SCAF4: variants seen among roughly 807,000 people sequenced by gnomAD.
SCAF4 encodes SR-related CTD associated factor 4, also known as SR-related and CTD-associated factor 4.
In SCAF4, 25 loss-of-function variants were observed where a neutral mutation model predicts 129.8. The ratio of observed to expected loss-of-function variants is 0.19; its 90% CI spans 0.14 to 0.27. SCAF4 has a LOEUF of 0.27. Among genes scored for constraint, SCAF4 ranks in the 10% least tolerant of loss-of-function variants. SCAF4 has a pLI of 1.00. For missense variants in SCAF4, 1,246 were observed against 1,457.1 expected, an observed-to-expected ratio of 0.86 and a Z score of 2.36; for synonymous variants, 551 against 497.7, an observed-to-expected ratio of 1.11 and a Z score of -1.43.
At position 31,694,824 on chromosome 21, in the gene SCAF4, G is replaced by A. The variant is rs868332017; in HGVS notation, c.1225C>T (p.Pro409Ser). The part of the protein sequence containing the change: ...QAQNEPLTQK[P>S]HQQEMEVEQP... ...GAATAAAGTTTTACCTGCTGATGCG[G>A]CTTCTGTGTAAGTGGTTCATTTTGT... Residue 409 changes from proline (P) to serine (S), a missense_variant, in exon 10 of 20, where the codon CCG (proline) becomes TCG (serine). Coordinates refer to ENST00000286835, the MANE Select transcript of SCAF4 (RefSeq NM_020706.2). 1 of 1,614,088 alleles carries A rather than the reference G, an allele frequency of 6.2e-7. No homozygotes were observed. The highest frequency in any genetic ancestry group is 1.7e-5 in the Admixed American group (1 of 60,020).
rs2050397349 is a variant in SCAF4, at chr21:31,696,688, C to CTCT, written c.837_839dup (p.Glu280dup). 2 of 1,613,810 alleles carry CTCT rather than the reference C, an allele frequency of 1.2e-6. No individual in the cohort carries two copies. The highest frequency in any genetic ancestry group is 2.2e-5 in the South Asian group (2 of 91,084). ...CTGTCGTGGTGACGGCAGTGGTATCCTCTTTCTTTGATTCTTCCACAGCTT... is the reference window on the plus strand; with the variant it reads ...CTGTCGTGGTGACGGCAGTGGTATCCTCTTCTTTCTTTGATTCTTCCACAGCTT... On this transcript the variant is annotated inframe_insertion, in exon 8 of 20. Coordinates refer to ENST00000286835, the MANE Select transcript of SCAF4 (RefSeq NM_020706.2).
At chr21:31,713,502 AAGAG>A (rs780806302) in intron 1 of SCAF4, among the ~76,000 whole-genome samples, 29 of 152,298 alleles carry the variant, frequency 1.9e-4, no homozygotes, top group Non-Finnish European at 3.5e-4. Context: ...TTTTGAGAAA[AAGAG>A]AGAATCCTGG....
chr21:31,715,633 G>T (rs1300609724), intron 1 of SCAF4, among the ~76,000 whole-genome samples: 3 of 152,138 alleles, frequency 2.0e-5, no homozygotes, highest in Non-Finnish European at 2.9e-5. Flanking sequence ...GTCTAGAAGT[G>T]ATTTTCTGCT....
chr21:31,690,743 T>C (rs2050240754), intron 15 of SCAF4, 54 bp downstream of exon 15: 1 of 1,512,628 alleles, frequency 6.6e-7, no homozygotes, highest in East Asian at 2.3e-5. Flanking sequence ...CGATTTGTCA[T>C]ATGTACTACC....
At chr21:31,706,499 AG>A (rs1274390577) in intron 1 of SCAF4, 142 bp from the exon 2 acceptor site, 3 of 618,470 alleles carry the variant, frequency 4.9e-6, no homozygotes, top group Admixed American at 3.0e-5. Flanking sequence ...CTAGGGCAGC[AG>A]GAAGAGCTTT....
At chr21:31,690,734 G>A (rs551593681) in intron 15 of SCAF4, 63 bp downstream of exon 15, 8 of 1,460,344 alleles carry the variant, frequency 5.5e-6, no homozygotes, top group Middle Eastern at 1.8e-4. Flanking sequence ...CAGGACATTC[G>A]ATTTGTCATA....
In SCAF4 at chr21:31,696,481, ATTG is replaced by A. The variant is rs2050388435; in HGVS notation, c.959+85_959+87del. On this transcript the variant is annotated intron_variant, in intron 8 of 19. Coordinates refer to ENST00000286835, the MANE Select transcript of SCAF4 (RefSeq NM_020706.2). ...ATTTTACAAAACAACTTCATAGAAC[ATTG>A]TTGTCATTGCTAAATGTTACTTAGG... The A allele has an allele frequency of 2.4e-5, 30 of 1,234,244 alleles. No homozygotes were observed. The South Asian group carries it at 4.5e-4, about 18-fold the overall frequency. The allele number at this position is 1,234,244 out of a possible 1,614,324, so 76.5% of individuals were successfully genotyped here.
At chr21:31,673,282 A>G (rs1382643502) in intron 19 of SCAF4, among the ~76,000 whole-genome samples, 2 of 152,190 alleles carry the variant, frequency 1.3e-5, no homozygotes, top group African/African-American at 4.8e-5. Context: ...TTTTGCAAAT[A>G]TAAATAAGAC....
intron 1 of SCAF4, among the ~76,000 whole-genome samples, chr21:31,729,587 TTCATGAATGGGGAGAAA>T (rs1037554492): frequency 1.3e-4 from 20 of 152,262 alleles, no homozygotes; most frequent in Non-Finnish European, 1.9e-4. Flanking sequence ...TCAAGAACAT[TTCATGAATGGGGAGAAA>T]TAGTTGAGAA....
intron 1 of SCAF4, among the ~76,000 whole-genome samples, chr21:31,718,294 T>C (rs569578402): frequency 6.6e-5 from 10 of 152,174 alleles, no homozygotes; most frequent in South Asian, 6.2e-4. Flanking sequence ...CCTTTAATTA[T>C]TGATATACAG....
intron 5 of SCAF4, 45 bp from the exon 6 acceptor site, chr21:31,701,963 A>G: frequency 2.5e-6 from 4 of 1,596,146 alleles, no homozygotes; most frequent in Non-Finnish European, 3.4e-6. Flanking sequence ...AAGTTAACCT[A>G]CAAGTTTTCC....
intron 14 of SCAF4, 109 bp downstream of exon 14, chr21:31,691,708 C>T: frequency 2.5e-6 from 1 of 407,038 alleles, no homozygotes; most frequent in East Asian, 3.7e-5. Context: ...CATGAAATGC[C>T]TCAGTGTTGA....
intron 15 of SCAF4, 129 bp downstream of exon 15, chr21:31,690,668 T>C: frequency 1.4e-6 from 1 of 716,938 alleles, no homozygotes. Context: ...ATAATGGAGA[T>C]ACTGACACAG....
chr21:31,717,953 A>AT (rs1209080362), intron 1 of SCAF4, among the ~76,000 whole-genome samples: 3 of 145,838 alleles, frequency 2.1e-5, no homozygotes, highest in African/African-American at 7.7e-5. Context: ...ACACATATAT[A>AT]TTTTTTTGAG....
At chr21:31,721,545 G>A (rs183084926) in intron 1 of SCAF4, among the ~76,000 whole-genome samples, 55 of 152,246 alleles carry the variant, frequency 3.6e-4, no homozygotes, top group African/African-American at 1.2e-3. Flanking sequence ...ATATTGCAGA[G>A]GGAGACTTTA....
At chr21:31,688,195 C>T in intron 16 of SCAF4, 112 bp downstream of exon 16, 1 of 614,684 alleles carries the variant, frequency 1.6e-6, no homozygotes, top group Non-Finnish European at 2.4e-6. Flanking sequence ...ATGTAATATG[C>T]ACATATATGT....
rs746342814 is a variant in SCAF4 at position 31,672,297 on chromosome 21, A to C, written c.2546T>G (p.Leu849Arg). ...VIGLQAPSTGLLGARPGLIPL... is the reference protein window; with the variant it reads ...VIGLQAPSTGRLGARPGLIPL... ...GATGAGACCGGGCCGGGCGCCAAGA[A>C]GACCAGTAGATGGTGCCTGAAGTCC... is the stretch of plus-strand genomic sequence containing the variant. The change falls in exon 20 of 20, where the codon CTT (leucine) becomes CGT (arginine). Residue 849 changes from leucine (L) to arginine (R), a missense_variant. Around this residue, in one of 6 missense-constraint regions of SCAF4, gnomAD observed 468 missense variants for 605.5 expected, o/e 0.77. Coordinates refer to ENST00000286835, the MANE Select transcript of SCAF4 (RefSeq NM_020706.2). The C allele has an allele frequency of 5.0e-6, 8 of 1,613,970 alleles. No homozygotes were observed. The highest frequency in any genetic ancestry group is 5.9e-6 in the Non-Finnish European group (7 of 1,180,046).
At chr21:31,683,895 T>A (rs920579735) in intron 19 of SCAF4, 3 of 152,982 alleles carry the variant, frequency 2.0e-5, no homozygotes, top group Non-Finnish European at 1.5e-5. Flanking sequence ...TAATCCCAAA[T>A]CCTCTTTTAC....
At chr21:31,709,849 A>C (rs1246308929) in intron 1 of SCAF4, among the ~76,000 whole-genome samples, 3 of 142,154 alleles carry the variant, frequency 2.1e-5, no homozygotes, top group Non-Finnish European at 3.0e-5. Flanking sequence ...TTTTGAGATG[A>C]TACTTAAAAA....
Sources: gnomAD v4.1 joint callset for allele counts (sites outside exome capture counted in the v4.1 genomes callset) on GRCh38, gnomAD v4.1.1 for gene constraint, gnomAD v4.1.1 regional missense constraint, MANE v1.5 for transcripts, NCBI Gene and HGNC (gene_info 2026-07-23, HGNC 2026-07-21) for gene names.